CDK14: variants seen among roughly 807,000 people sequenced by gnomAD.
CDK14 encodes cyclin-dependent kinase 14.
A neutral mutation model predicts 60.7 loss-of-function variants in CDK14; 34 were observed. That is an observed-to-expected ratio of 0.56 (90% CI 0.43 to 0.75). CDK14 has a LOEUF of 0.75. Ranked by LOEUF, CDK14 falls within the 30% of genes least tolerant of loss-of-function variation. The probability of loss-of-function intolerance (pLI) is 0.00; values close to 1 mark genes in which losing one functional copy is unlikely to be tolerated. For missense variants in CDK14, 482 were observed against 564.1 expected (o/e 0.85, Z 1.47); for synonymous variants, 197 against 203.7 (o/e 0.97, Z 0.28).
rs866109018 is a variant in CDK14 at position 90,778,518 on chromosome 7, C to T, written c.465-12055C>T. Among the ~76,000 whole-genome samples, 3 of 152,292 alleles carry T rather than the reference C, an allele frequency of 2.0e-5. No homozygotes were observed. In the South Asian group the frequency reaches 6.2e-4, roughly 32 times the overall value. ...AATTCTCCACACCATAGCGAGTGAG[C>T]TGCAGACACAGAAGTTAATCATGCT... On this transcript the variant is annotated intron_variant, in intron 4 of 14. Transcript: ENST00000380050.
intron 10 of CDK14, among the ~76,000 whole-genome samples, chr7:91,037,056 C>G (rs549447314): frequency 1.3e-5 from 2 of 152,334 alleles, no homozygotes; most frequent in Admixed American, 1.3e-4. Context: ...AGTTTTTATT[C>G]AGCTAAAAAC....
chr7:90,626,649 C>T (rs772161537), intron 2 of CDK14, among the ~76,000 whole-genome samples: 1 of 152,144 alleles, frequency 6.6e-6, no homozygotes, highest in Non-Finnish European at 1.5e-5. Context: ...ACGTTAAAAA[C>T]GTAAAAGAAG....
chr7:90,597,863 A>C (rs1030042135), intron 1 of CDK14, among the ~76,000 whole-genome samples: 9 of 137,828 alleles, frequency 6.5e-5, no homozygotes, highest in African/African-American at 2.2e-4. Context: ...CTTTCGACTT[A>C]AAATTTTGTG....
intron 2 of CDK14, among the ~76,000 whole-genome samples, chr7:90,645,149 C>T (rs1039443747): frequency 6.6e-6 from 1 of 152,130 alleles, no homozygotes; most frequent in Non-Finnish European, 1.5e-5. Flanking sequence ...ATGTGTTCTT[C>T]TCAACATGTT....
At chr7:90,974,175 G>A (rs1291612407) in intron 9 of CDK14, among the ~76,000 whole-genome samples, 1 of 152,128 alleles carries the variant, frequency 6.6e-6, no homozygotes, top group African/African-American at 2.4e-5. Context: ...CTACGAGAAG[G>A]AAAATATGGC....
chr7:91,034,376 A>G (rs1796851892), intron 10 of CDK14, among the ~76,000 whole-genome samples: 1 of 151,830 alleles, frequency 6.6e-6, no homozygotes, highest in Non-Finnish European at 1.5e-5. Flanking sequence ...CTTTTTTTTT[A>G]ATCAGTATTT....
At chr7:91,095,277 T>C (rs1306448135) in intron 12 of CDK14, among the ~76,000 whole-genome samples, 1 of 152,214 alleles carries the variant, frequency 6.6e-6, no homozygotes, top group Non-Finnish European at 1.5e-5. Context: ...TAGAAGGCAC[T>C]CAGTTCATAT....
intron 14 of CDK14, among the ~76,000 whole-genome samples, chr7:91,179,275 A>G (rs1801905154): frequency 6.8e-6 from 1 of 146,554 alleles, no homozygotes; most frequent in Non-Finnish European, 1.5e-5. Context: ...AACCCCGCAT[A>G]TTCTCACTCA....
chr7:90,749,835 G>T (rs1381540363), intron 4 of CDK14, among the ~76,000 whole-genome samples: 1 of 152,138 alleles, frequency 6.6e-6, no homozygotes, highest in Admixed American at 6.5e-5. Context: ...CTGCTATCAG[G>T]GGATGACCAT....
intron 11 of CDK14, among the ~76,000 whole-genome samples, chr7:91,054,588 G>A (rs563618119): frequency 2.0e-5 from 3 of 152,226 alleles, no homozygotes; most frequent in Non-Finnish European, 4.4e-5. Context: ...GAGGTCACTG[G>A]TGGTTGCTGG....
At chr7:91,055,728 T>C (rs1797528540) in intron 11 of CDK14, among the ~76,000 whole-genome samples, 1 of 152,184 alleles carries the variant, frequency 6.6e-6, no homozygotes, top group Non-Finnish European at 1.5e-5. Flanking sequence ...TACTGTCCAA[T>C]TTGTATAATT....
intron 14 of CDK14, among the ~76,000 whole-genome samples, chr7:91,119,087 A>T (rs1799704225): frequency 6.6e-6 from 1 of 152,166 alleles, no homozygotes; most frequent in Admixed American, 6.6e-5. Context: ...TTAATGTAAC[A>T]CAAGTCTCTG....
rs2106130 is a variant in CDK14 at position 90,683,571 on chromosome 7, C to T, written c.124-42996C>T. Among the ~76,000 whole-genome samples the T allele has an allele frequency of 2.6e-4, 39 of 152,324 alleles. 1 individual carries two copies. The East Asian group carries it at 6.2e-3, about 24-fold the overall frequency. On this transcript the variant is annotated intron_variant, in intron 2 of 14. Coordinates refer to ENST00000380050, the MANE Select transcript of CDK14 (RefSeq NM_001287135.2). ...ATCCCAGCACTTTGGGAGGCCAAGG[C>T]GGGCGGATCACCTGAGGTCAGGAGC...
chr7:91,025,804 A>G (rs922037956), intron 10 of CDK14, among the ~76,000 whole-genome samples: 3 of 152,208 alleles, frequency 2.0e-5, no homozygotes, highest in African/African-American at 4.8e-5. Flanking sequence ...TTCCTTTTTC[A>G]GTTTAATTTT....
At chr7:90,784,704 G>A (rs944049207) in intron 4 of CDK14, among the ~76,000 whole-genome samples, 3 of 152,102 alleles carry the variant, frequency 2.0e-5, no homozygotes, top group East Asian at 1.9e-4. Context: ...ATAAAGTATT[G>A]TAGTTAGCAC....
intron 2 of CDK14, among the ~76,000 whole-genome samples, chr7:90,654,890 G>A (rs1299761027): frequency 3.3e-5 from 5 of 152,042 alleles, no homozygotes; most frequent in Admixed American, 2.6e-4. Flanking sequence ...CGTTCTCTGG[G>A]TTTTGACAAA....
intron 7 of CDK14, among the ~76,000 whole-genome samples, chr7:90,901,252 C>T (rs1792496659): frequency 6.6e-6 from 1 of 152,086 alleles, no homozygotes; most frequent in Admixed American, 6.5e-5. Flanking sequence ...TTGGTGCCTC[C>T]TAGGACGTGG....
chr7:90,680,201 T>G (rs904052050), intron 2 of CDK14, among the ~76,000 whole-genome samples: 2 of 152,148 alleles, frequency 1.3e-5, no homozygotes, highest in African/African-American at 2.4e-5. Flanking sequence ...AGTTTCTTTA[T>G]ATTGTGAAAT....
chr7:90,809,626 G>A (rs981039682), intron 5 of CDK14, among the ~76,000 whole-genome samples: 1 of 152,106 alleles, frequency 6.6e-6, no homozygotes, highest in African/African-American at 2.4e-5. Context: ...TAAGATCAGA[G>A]CAGAACTCAA....
Sources: allele counts gnomAD v4.1 joint callset (sites outside exome capture counted in the v4.1 genomes callset), GRCh38; gene constraint gnomAD v4.1.1; transcripts MANE v1.5; gene names NCBI Gene and HGNC (gene_info 2026-07-23, HGNC 2026-07-21).